Variants in RRM2B observed in about 807,000 individuals in gnomAD.
RRM2B encodes ribonucleoside-diphosphate reductase subunit M2 B.
In RRM2B, 20 loss-of-function variants were observed where a neutral mutation model predicts 45.9. That is an observed-to-expected ratio of 0.44 (90% confidence interval 0.31 to 0.63). The LOEUF (loss-of-function observed/expected upper bound fraction) is 0.63, where lower values mean the gene tolerates loss of function less well. Ranked by LOEUF, RRM2B falls within the 30% of genes least tolerant of loss-of-function variation. The probability of loss-of-function intolerance (pLI) is 0.09; values close to 1 mark genes in which losing one functional copy is unlikely to be tolerated. For missense variants in RRM2B, 320 were observed against 414.7 expected, an observed-to-expected ratio of 0.77 and a Z score of 1.98; for synonymous variants, 124 against 132.3, an observed-to-expected ratio of 0.94 and a Z score of 0.43.
intron 3 of RRM2B, among the ~76,000 whole-genome samples, chr8:102,225,496 T>C (rs1330719092): frequency 6.6e-6 from 1 of 152,122 alleles, no homozygotes; most frequent in Non-Finnish European, 1.5e-5. Flanking sequence ...CCTCCCAAAG[T>C]GCTGGGATTA....
At chr8:102,209,310 C>G (rs559590756) in intron 8 of RRM2B, among the ~76,000 whole-genome samples, 1 of 152,174 alleles carries the variant, frequency 6.6e-6, no homozygotes, top group East Asian at 1.9e-4. Context: ...TCAAGTAACC[C>G]AATTTTAAAT....
Position 102,207,960 on chromosome 8 carries a change from G to T in RRM2B, c.*173C>A. ...ACAAAAGCATTTAGGTCACACTCTT[G>T]TTGTTAAACAGGAAAATTATATAAA... On this transcript the variant is annotated 3_prime_UTR_variant, in exon 9 of 9. Coordinates refer to ENST00000251810, the MANE Select transcript of RRM2B (RefSeq NM_015713.5). 1.7e-6 allele frequency: 1 copy of T among 581,576 alleles called. No homozygotes were observed. The highest frequency in any genetic ancestry group is 3.0e-6 in the Non-Finnish European group (1 of 330,106). The allele number at this position is 581,576 out of a possible 1,614,324, so 36.0% of individuals were successfully genotyped here. A position where few individuals can be genotyped will look rare whatever the true frequency, so the allele number is the denominator to read the frequency against.
chr8:102,213,510 G>A (rs543879932), intron 7 of RRM2B, among the ~76,000 whole-genome samples: 3 of 152,194 alleles, frequency 2.0e-5, no homozygotes, highest in Middle Eastern at 3.4e-3. Flanking sequence ...GTTAAACTAC[G>A]CAGTGTTACC....
chr8:102,213,723 T>C (rs1810674395), intron 7 of RRM2B, among the ~76,000 whole-genome samples: 1 of 151,492 alleles, frequency 6.6e-6, no homozygotes, highest in South Asian at 2.1e-4. Flanking sequence ...ATCATCACTG[T>C]TCTCCAGTCA....
chr8:102,220,168 G>T (rs1026966220), intron 5 of RRM2B, among the ~76,000 whole-genome samples: 1 of 152,170 alleles, frequency 6.6e-6, no homozygotes, highest in Non-Finnish European at 1.5e-5. Flanking sequence ...GAGCCCAGGA[G>T]GTCAAGGCTG....
At position 102,213,545 on chromosome 8, in the gene RRM2B, T is replaced by G. The variant is rs29000271; in HGVS notation, c.789+509A>C. On this transcript the variant is annotated intron_variant, in intron 7 of 8. Transcript: ENST00000251810. ...CAAAACAAAAGCAATTTCAGAATGATAAAAACACATCCTAAGTAGCGCATC... is the reference window on the plus strand; with the variant it reads ...CAAAACAAAAGCAATTTCAGAATGAGAAAAACACATCCTAAGTAGCGCATC... 3.4e-3 allele frequency among the ~76,000 whole-genome samples: 521 copies of G among 152,310 alleles called. 9 individuals are homozygous for G. Among genetic ancestry groups the G allele is most frequent in the Admixed American group, 0.03 (459 of 15,294 alleles).
intron 2 of RRM2B, among the ~76,000 whole-genome samples, chr8:102,228,456 G>A (rs902332053): frequency 2.0e-5 from 3 of 152,230 alleles, no homozygotes; most frequent in Non-Finnish European, 2.9e-5. Flanking sequence ...AGGTGTGGAT[G>A]CTAAAAGCTG....
intron 2 of RRM2B, among the ~76,000 whole-genome samples, chr8:102,229,882 A>G (rs1184719937): frequency 1.3e-5 from 2 of 151,836 alleles, no homozygotes; most frequent in East Asian, 3.9e-4. Context: ...ACCATGCTCG[A>G]CCTCTTATAT....
At chr8:102,217,221 C>T (rs1259512134) in intron 6 of RRM2B, among the ~76,000 whole-genome samples, 1 of 151,972 alleles carries the variant, frequency 6.6e-6, no homozygotes, top group Admixed American at 6.6e-5. Flanking sequence ...GGAAAAAGAA[C>T]ATCTCAACTC....
intron 6 of RRM2B, among the ~76,000 whole-genome samples, chr8:102,216,103 TAAGG>T (rs1171925529): frequency 6.6e-6 from 1 of 151,802 alleles, no homozygotes; most frequent in Non-Finnish European, 1.5e-5. Context: ...GATAGGTCAA[TAAGG>T]AAGTAAAAAT....
intron 3 of RRM2B, 26 bp downstream of exon 3, chr8:102,225,892 A>C (rs1363111556): frequency 5.5e-6 from 7 of 1,270,318 alleles, no homozygotes; most frequent in Non-Finnish European, 8.1e-6. Context: ...AAGGAGAACA[A>C]AAGTTAAATC....
At chr8:102,211,360 C>T (rs1454656136) in intron 8 of RRM2B, among the ~76,000 whole-genome samples, 6 of 152,196 alleles carry the variant, frequency 3.9e-5, no homozygotes, top group Non-Finnish European at 8.8e-5. Context: ...TCAGTTTCTA[C>T]TTTCATTGCA....
rs563086879 is a variant in RRM2B at position 102,227,702 on chromosome 8, T to C, written c.205-1668A>G. Among the ~76,000 whole-genome samples, 6 of 152,324 alleles carry C rather than the reference T, an allele frequency of 3.9e-5. No individual in the cohort carries two copies. In the East Asian group the frequency reaches 1.2e-3, roughly 29 times the overall value. On this transcript the variant is annotated intron_variant, in intron 2 of 8. Transcript: ENST00000251810. ...AAACAGCATACTTTTATTTTTCTTT[T>C]TGAACATTTCTGGAAGCTGAAAGCC...
At chr8:102,217,872 G>C (rs541274290) in intron 6 of RRM2B, among the ~76,000 whole-genome samples, 17 of 151,560 alleles carry the variant, frequency 1.1e-4, no homozygotes, top group Non-Finnish European at 1.2e-4. Context: ...AGGGTAGAAA[G>C]GGTATAGCAG....
At position 102,205,233 on chromosome 8, in the gene RRM2B, A is replaced by G. The variant is rs901081663; in HGVS notation, c.*2900T>C. 1 of 152,178 alleles carries G rather than the reference A, an allele frequency of 6.6e-6. No individual in the cohort carries two copies. The highest frequency in any genetic ancestry group is 1.5e-5 in the Non-Finnish European group (1 of 67,998). 9.4% of individuals were successfully genotyped at this position (152,178 alleles called of 1,614,324 possible). A position where few individuals can be genotyped will look rare whatever the true frequency, so the allele number is the denominator to read the frequency against. ...CCCTTAGTTCAGTATCTACAAATGA[A>G]ATTTGGGAATTCTATGACAGTGATG... On this transcript the variant is annotated 3_prime_UTR_variant, in exon 9 of 9. Coordinates refer to ENST00000251810, the MANE Select transcript of RRM2B (RefSeq NM_015713.5).
chr8:102,228,842 G>A (rs1055529572), intron 2 of RRM2B, among the ~76,000 whole-genome samples: 5 of 152,220 alleles, frequency 3.3e-5, no homozygotes, highest in African/African-American at 4.8e-5. Flanking sequence ...CGAAGGGATC[G>A]GAGAAACTAT....
At chr8:102,231,206 C>T (rs1475120021) in intron 2 of RRM2B, among the ~76,000 whole-genome samples, 1 of 152,158 alleles carries the variant, frequency 6.6e-6, no homozygotes, top group African/African-American at 2.4e-5. Context: ...CTGTCCTTAC[C>T]AACCAGCAAA....
At position 102,232,274 on chromosome 8, in the gene RRM2B, T is replaced by C; in HGVS notation, c.79A>G (p.Ile27Val). 1 of 1,614,212 alleles carries C rather than the reference T, an allele frequency of 6.2e-7. No individual in the cohort carries two copies. The highest frequency in any genetic ancestry group is 8.5e-7 in the Non-Finnish European group (1 of 1,180,020). The change falls in exon 2 of 9, where the codon ATA becomes GTA. Residue 27 changes from isoleucine (I) to valine (V), a missense_variant. Ile to Val is a conservative substitution (Grantham distance 29, BLOSUM62 3). Around this residue, in one of 3 missense-constraint regions of RRM2B, gnomAD observed 48 missense variants for 35.3 expected, o/e 1.36. Coordinates refer to ENST00000251810, the MANE Select transcript of RRM2B (RefSeq NM_015713.5). ...AGGAGTGGCTCTTCATTTGACTTTATTTCACTTTCGTTGGTGTCTGAAGAT... is the reference window on the plus strand; with the variant it reads ...AGGAGTGGCTCTTCATTTGACTTTACTTCACTTTCGTTGGTGTCTGAAGAT... ...RSSSDTNESE[I>V]KSNEEPLLRK...
chr8:102,208,095 C>A lies in RRM2B; in HGVS notation c.*38G>T. 1 of 1,567,050 alleles carries A rather than the reference C, an allele frequency of 6.4e-7. No homozygotes were observed. The highest frequency in any genetic ancestry group is 1.1e-5 in the South Asian group (1 of 88,542). On this transcript the variant is annotated 3_prime_UTR_variant, in exon 9 of 9. Coordinates refer to ENST00000251810, the MANE Select transcript of RRM2B (RefSeq NM_015713.5). Reference sequence around the variant, plus strand: ...CAGAGGAAAATAGACTACTATTTACCAATGACAAGTTTATAGAGTTTTAAA... The same window carrying A: ...CAGAGGAAAATAGACTACTATTTACAAATGACAAGTTTATAGAGTTTTAAA...
Sources: allele counts gnomAD v4.1 joint callset (sites outside exome capture counted in the v4.1 genomes callset), GRCh38; gene constraint gnomAD v4.1.1; regional missense constraint gnomAD v4.1.1; transcripts MANE v1.5; gene names NCBI Gene and HGNC (gene_info 2026-07-23, HGNC 2026-07-21).